Variants in CACNA1E observed in about 807,000 individuals in gnomAD.
CACNA1E encodes the protein calcium voltage-gated channel subunit alpha1 E.
CACNA1E carries 40 observed loss-of-function variants against 259.2 expected under a neutral mutation model. The observed-to-expected ratio is 0.15, with a 90% CI of 0.12 to 0.20. The LOEUF is 0.20. Ranked by LOEUF, CACNA1E falls within the 10% of genes least tolerant of loss-of-function variation. The pLI, the probability that CACNA1E is intolerant of heterozygous loss-of-function variation, is 1.00. For missense variants in CACNA1E, 1,874 were observed against 3,040.1 expected (o/e 0.62, Z 9.02); for synonymous variants, 1,104 against 1,138.5 (o/e 0.97, Z 0.61).
chr1:181,595,815 T>C (rs1245423216), intron 6 of CACNA1E, among the ~76,000 whole-genome samples: 17 of 152,160 alleles, frequency 1.1e-4, no homozygotes. Flanking sequence ...AACACTAAAC[T>C]TGCCTGCCTG....
At chr1:181,513,173 G>T (rs1479746045) in intron 3 of CACNA1E, among the ~76,000 whole-genome samples, 1 of 152,032 alleles carries the variant, frequency 6.6e-6, no homozygotes, top group Non-Finnish European at 1.5e-5. Context: ...ATGATTATAT[G>T]TTCATTAAAG....
intron 3 of CACNA1E, among the ~76,000 whole-genome samples, chr1:181,550,274 G>A (rs1647983523): frequency 6.6e-6 from 1 of 152,154 alleles, no homozygotes; most frequent in Non-Finnish European, 1.5e-5. Flanking sequence ...ATGAGGAGCA[G>A]TCTGGTATGG....
At position 181,733,538 on chromosome 1, in the gene CACNA1E, A is replaced by C; in HGVS notation, c.3050A>C (p.Lys1017Thr). 9 of 1,612,048 alleles carry C rather than the reference A, an allele frequency of 5.6e-6. No individual in the cohort carries two copies. The highest frequency in any genetic ancestry group is 6.8e-6 in the Non-Finnish European group (8 of 1,178,926). ...CCCCATCCTGAGCTGGAAGTGGGGA[A>C]GCACGTGGTGCTGACGGAGCAGGAG... ...VLPHPELEVG[K>T]HVVLTEQEPE... Residue 1017 changes from lysine to threonine, a missense_variant, in exon 21 of 48, where the codon AAG becomes ACG. This residue lies in a region of CACNA1E where 476 missense variants were observed against 514.0 expected (regional missense o/e 0.93). Transcript: ENST00000367573.
At chr1:181,742,024 T>G (rs1209866076) in intron 25 of CACNA1E, among the ~76,000 whole-genome samples, 1 of 152,318 alleles carries the variant, frequency 6.6e-6, no homozygotes, top group Non-Finnish European at 1.5e-5. Context: ...TGCCTTCAAC[T>G]TCCCAAGCTT....
At chr1:181,542,603 C>T (rs1364992492) in intron 3 of CACNA1E, among the ~76,000 whole-genome samples, 3 of 151,994 alleles carry the variant, frequency 2.0e-5, no homozygotes, top group Non-Finnish European at 4.4e-5. Context: ...CAGCACTTCT[C>T]CTTCCTGCTG....
intron 7 of CACNA1E, among the ~76,000 whole-genome samples, chr1:181,652,574 A>G (rs1658855074): frequency 6.6e-6 from 1 of 152,230 alleles, no homozygotes; most frequent in Non-Finnish European, 1.5e-5. Context: ...GAATGCCAGT[A>G]AAAAAGCAAA....
intron 6 of CACNA1E, among the ~76,000 whole-genome samples, chr1:181,623,865 T>C (rs1051997113): frequency 2.0e-5 from 3 of 152,180 alleles, no homozygotes; most frequent in Admixed American, 2.0e-4. Flanking sequence ...TTGCTGAAGG[T>C]TGGGATGACT....
At chr1:181,632,935 A>G (rs1001548378) in intron 6 of CACNA1E, among the ~76,000 whole-genome samples, 1 of 152,204 alleles carries the variant, frequency 6.6e-6, no homozygotes, top group African/African-American at 2.4e-5. Flanking sequence ...AAAAAATACC[A>G]TAGTCTTTTT....
At chr1:181,652,076 T>C (rs1658809273) in intron 7 of CACNA1E, 1 of 152,286 alleles carries the variant, frequency 6.6e-6, no homozygotes, top group Non-Finnish European at 1.5e-5. Flanking sequence ...TCTGAAGTCA[T>C]CAGGGATAGT....
intron 7 of CACNA1E, among the ~76,000 whole-genome samples, chr1:181,666,461 G>A (rs903384186): frequency 6.6e-6 from 1 of 152,030 alleles, no homozygotes; most frequent in Non-Finnish European, 1.5e-5. Context: ...CTCTTGAAAA[G>A]GAATACTTCA....
chr1:181,775,973 G>C, intron 37 of CACNA1E, 128 bp from the exon 38 acceptor site: 1 of 808,722 alleles, frequency 1.2e-6, no homozygotes, highest in South Asian at 1.8e-5. Context: ...ACTATTCCCT[G>C]TCCCTGCATA....
intron 6 of CACNA1E, among the ~76,000 whole-genome samples, chr1:181,628,827 A>T (rs565655575): frequency 6.6e-6 from 1 of 152,140 alleles, no homozygotes; most frequent in African/African-American, 2.4e-5. Flanking sequence ...TTTAACATTC[A>T]TTACTGATTG....
At chr1:181,342,437 C>G (rs1652236037) in intron 1 of CACNA1E, among the ~76,000 whole-genome samples, 1 of 151,972 alleles carries the variant, frequency 6.6e-6, no homozygotes, top group Admixed American at 6.6e-5. Flanking sequence ...AAAAAATAAC[C>G]CTGGGAATTA....
At chr1:181,422,733 T>A (rs1452978723) in intron 2 of CACNA1E, among the ~76,000 whole-genome samples, 1 of 152,178 alleles carries the variant, frequency 6.6e-6, no homozygotes, top group Non-Finnish European at 1.5e-5. Context: ...TGGTTGTTTT[T>A]CTCCTTGATG....
At chr1:181,552,737 A>G (rs1648307428) in intron 3 of CACNA1E, among the ~76,000 whole-genome samples, 1 of 152,108 alleles carries the variant, frequency 6.6e-6, no homozygotes, top group East Asian at 1.9e-4. Context: ...GGCTTGCTGC[A>G]CCTATTGACC....
intron 3 of CACNA1E, among the ~76,000 whole-genome samples, chr1:181,561,825 T>C (rs373987581): frequency 6.6e-6 from 1 of 152,208 alleles, no homozygotes; most frequent in Admixed American, 6.5e-5. Flanking sequence ...AATGGGTGTA[T>C]TATTTTGCAT....
chr1:181,640,201 T>C (rs911252356), intron 6 of CACNA1E, among the ~76,000 whole-genome samples: 1 of 152,206 alleles, frequency 6.6e-6, no homozygotes, highest in Non-Finnish European at 1.5e-5. Flanking sequence ...TTTGTGCACA[T>C]CTGTAGCTCA....
At chr1:181,621,960 G>T (rs1024423623) in intron 6 of CACNA1E, among the ~76,000 whole-genome samples, 8 of 152,126 alleles carry the variant, frequency 5.3e-5, no homozygotes, top group African/African-American at 1.9e-4. Flanking sequence ...TCCTCAAGGG[G>T]CATACAAGAC....
chr1:181,793,171 T>G (rs1221130840), intron 44 of CACNA1E, among the ~76,000 whole-genome samples: 2 of 152,196 alleles, frequency 1.3e-5, no homozygotes, highest in African/African-American at 4.8e-5. Flanking sequence ...TTTGGATGGT[T>G]TCAATCAGAA....
Sources: gnomAD v4.1 joint callset for allele counts (sites outside exome capture counted in the v4.1 genomes callset) on GRCh38, gnomAD v4.1.1 for gene constraint, gnomAD v4.1.1 regional missense constraint, MANE v1.5 for transcripts, NCBI Gene and HGNC (gene_info 2026-07-23, HGNC 2026-07-21) for gene names.